The following SLF1 variants were observed in gnomAD, a reference collection of about 807,000 sequenced individuals.
The protein encoded by SLF1 is SMC5-SMC6 complex localization factor protein 1.
SLF1 carries 105 observed loss-of-function variants against 123.0 expected under a neutral mutation model. The ratio of observed to expected loss-of-function variants is 0.85; its 90% CI spans 0.73 to 1.00. The LOEUF (loss-of-function observed/expected upper bound fraction) is 1.00, where lower values mean the gene tolerates loss of function less well. SLF1 is among the 50% of genes least tolerant of loss of function. The pLI, the probability that SLF1 is intolerant of heterozygous loss-of-function variation, is 0.00. For missense variants in SLF1, 1,239 were observed against 1,223.0 expected (o/e 1.01, Z -0.20); for synonymous variants, 434 against 406.6 (o/e 1.07, Z -0.81).
At chr5:94,678,070 G>A (rs2346764) in intron 14 of SLF1, among the ~76,000 whole-genome samples, 22,286 of 151,932 alleles carry the variant, frequency 0.15, 1,836 homozygotes, top group East Asian at 0.32. Context: ...GCAGGTGCCC[G>A]CCACCACGCC....
intron 12 of SLF1, among the ~76,000 whole-genome samples, chr5:94,666,777 C>T (rs542721608): frequency 1.3e-5 from 2 of 152,132 alleles, no homozygotes; most frequent in African/African-American, 4.8e-5. Context: ...GCTAGAGTTA[C>T]AGGCATGTGC....
Position 94,662,924 on chromosome 5 carries a change from T to G in SLF1, c.1209+573T>G, listed in dbSNP as rs368968293. The stretch of plus-strand genomic sequence containing the variant: ...GTTACTTTTATTATTAAGAATAGTT[T>G]GACCAAGGGGAATGTATTTTGTGAA... On this transcript the variant is annotated intron_variant, in intron 10 of 20. Coordinates refer to ENST00000265140, the MANE Select transcript of SLF1 (RefSeq NM_032290.4). Among the ~76,000 whole-genome samples the G allele has an allele frequency of 3.3e-5, 5 of 152,318 alleles. No individual in the cohort carries two copies. The East Asian group carries it at 7.7e-4, about 24-fold the overall frequency.
rs191800157 is a variant in SLF1 at position 94,690,739 on chromosome 5, T to G, written c.2420-825T>G. 2.2e-3 allele frequency among the ~76,000 whole-genome samples: 337 copies of G among 151,698 alleles called. 2 individuals are homozygous for G. Among genetic ancestry groups the G allele is most frequent in the African/African-American group, 7.6e-3 (314 of 41,450 alleles). On this transcript the variant is annotated intron_variant, in intron 18 of 20. Transcript: ENST00000265140. ...CCTAAGCAGTCATTTATAGTAATTTTTTTAAAATTCCCCTTAAATAATCAC... is the reference window on the plus strand; with the variant it reads ...CCTAAGCAGTCATTTATAGTAATTTGTTTAAAATTCCCCTTAAATAATCAC...
At chr5:94,666,167 C>A in intron 12 of SLF1, 143 bp downstream of exon 12, 3 of 774,494 alleles carry the variant, frequency 3.9e-6, no homozygotes, top group South Asian at 3.0e-5. Context: ...GTATTTATTG[C>A]AAAACTTATG....
At chr5:94,675,358 A>C (rs1750928316) in intron 14 of SLF1, among the ~76,000 whole-genome samples, 1 of 152,214 alleles carries the variant, frequency 6.6e-6, no homozygotes, top group African/African-American at 2.4e-5. Flanking sequence ...TTTCTTTGTT[A>C]ATTCTTAGGG....
At position 94,665,682 on chromosome 5, in the gene SLF1, G is replaced by A. The variant is rs538162932; in HGVS notation, c.1369-179G>A. 2.0e-5 allele frequency among the ~76,000 whole-genome samples: 3 copies of A among 152,304 alleles called. No homozygotes were observed. The South Asian group carries it at 6.2e-4, about 32-fold the overall frequency. On this transcript the variant is annotated intron_variant, in intron 11 of 20. Coordinates refer to ENST00000265140, the MANE Select transcript of SLF1 (RefSeq NM_032290.4). ...GCAGAAAAATCGCTTGAACCCAGGA[G>A]GCGGAGGTTGAGGTAAGCCAAGATC...
intron 7 of SLF1, 104 bp downstream of exon 7, chr5:94,651,949 C>T: frequency 2.0e-6 from 1 of 496,272 alleles, no homozygotes. Flanking sequence ...GTTATGTATC[C>T]AATAGCTAGA....
chr5:94,684,532 A>C (rs990704188), intron 15 of SLF1, among the ~76,000 whole-genome samples: 7 of 151,896 alleles, frequency 4.6e-5, no homozygotes, highest in African/African-American at 1.7e-4. Context: ...CCCTGTCTCT[A>C]CTAAAAATAC....
intron 14 of SLF1, among the ~76,000 whole-genome samples, chr5:94,676,800 T>G (rs1751119792): frequency 1.3e-5 from 2 of 152,366 alleles, no homozygotes; most frequent in South Asian, 4.1e-4. Context: ...GACCATTTGC[T>G]TATGTTTGCA....
chr5:94,691,679 C>G lies in SLF1; in HGVS notation c.2512+23C>G, dbSNP rs765827063. ...AAGGTAAGTTTTAAATCTTTGTGGT[C>G]TAGTCCAATGTCTTAATATTTGTGA... On this transcript the variant is annotated intron_variant, in intron 19 of 20. Transcript: ENST00000265140. The G allele has an allele frequency of 3.9e-6, 6 of 1,536,304 alleles. No individual in the cohort carries two copies. The African/African-American group carries it at 8.3e-5, about 21-fold the overall frequency.
chr5:94,694,674 G>A (rs1464988469), intron 20 of SLF1, among the ~76,000 whole-genome samples, 157 bp from the exon 21 acceptor site: 1 of 151,386 alleles, frequency 6.6e-6, no homozygotes, highest in East Asian at 1.9e-4. Context: ...ACCTTTATTC[G>A]TCTATATATA....
intron 1 of SLF1, among the ~76,000 whole-genome samples, chr5:94,621,878 A>ATT (rs1283372773): frequency 8.9e-6 from 1 of 112,274 alleles, no homozygotes; most frequent in Non-Finnish European, 1.8e-5. Context: ...AATAATTAAT[A>ATT]TTTATACACA....
Position 94,688,635 on chromosome 5 carries a change from A to G in SLF1, c.2251A>G (p.Lys751Glu), listed in dbSNP as rs748608733. 3.1e-6 allele frequency: 5 copies of G among 1,614,090 alleles called. No homozygotes were observed. In the South Asian group the frequency reaches 4.4e-5, roughly 14 times the overall value. ...QRTLLMLNGT[K>E]QKQVEGLPEL... Reference sequence around the variant, plus strand: ...AACCTTACTAATGCTGAATGGTACTAAACAAAAACAAGTCGAAGGGCTGCC... The same window carrying G: ...AACCTTACTAATGCTGAATGGTACTGAACAAAAACAAGTCGAAGGGCTGCC... Residue 751 changes from lysine (K) to glutamate (E), a missense_variant, in exon 17 of 21, where the codon AAA becomes GAA. Physicochemically the swap from Lys to Glu is moderately conservative, Grantham distance 56 (BLOSUM62 1). Coordinates refer to ENST00000265140, the MANE Select transcript of SLF1 (RefSeq NM_032290.4).
intron 1 of SLF1, among the ~76,000 whole-genome samples, chr5:94,621,756 C>G (rs1220573727): frequency 6.6e-6 from 1 of 151,850 alleles, no homozygotes; most frequent in African/African-American, 2.4e-5. Context: ...TGTTCTGTTT[C>G]TTCCTTCTAG....
Position 94,643,352 on chromosome 5 carries a change from G to T in SLF1, c.511G>T (p.Ala171Ser), listed in dbSNP as rs191249349. The T allele has an allele frequency of 6.5e-7, 1 of 1,545,002 alleles. No individual in the cohort carries two copies. The highest frequency in any genetic ancestry group is 2.5e-5 in the East Asian group (1 of 40,628). The part of the protein sequence containing the change: ...SGITHVIASN[A>S]RIKAEKEKDN... ...AATAACTCATGTGATTGCCAGTAAT[G>T]CAAGAATTAAAGCTGAGAAAGAAAA... Residue 171 changes from alanine (A) to serine (S), a missense_variant, in exon 5 of 21, where the codon GCA becomes TCA. By Grantham distance (99) the Ala-to-Ser change is moderately conservative (BLOSUM62 1). Transcript: ENST00000265140.
At chr5:94,675,997 C>T (rs1242591299) in intron 14 of SLF1, among the ~76,000 whole-genome samples, 1 of 148,544 alleles carries the variant, frequency 6.7e-6, no homozygotes, top group Non-Finnish European at 1.5e-5. Context: ...GGGCTAACAT[C>T]CTTCTTTCCT....
At chr5:94,667,977 A>T (rs1750000141) in intron 12 of SLF1, among the ~76,000 whole-genome samples, 1 of 151,562 alleles carries the variant, frequency 6.6e-6, no homozygotes, top group Non-Finnish European at 1.5e-5. Flanking sequence ...CCACCACTTG[A>T]GCTCAAGTTT....
At chr5:94,644,297 T>A (rs536548755) in intron 5 of SLF1, among the ~76,000 whole-genome samples, 37 of 152,146 alleles carry the variant, frequency 2.4e-4, no homozygotes, top group Non-Finnish European at 4.0e-4. Context: ...TCTTTCTTTT[T>A]CCTTTAGTAT....
chr5:94,629,270 T>C (rs149821425), intron 3 of SLF1, 103 bp downstream of exon 3: 3 of 768,846 alleles, frequency 3.9e-6, no homozygotes, highest in Non-Finnish European at 5.7e-6. Flanking sequence ...CAAACCTAAA[T>C]GTGTTTTTCT....
Sources: gnomAD v4.1 joint callset for allele counts (sites outside exome capture counted in the v4.1 genomes callset) on GRCh38, gnomAD v4.1.1 for gene constraint, MANE v1.5 for transcripts, NCBI Gene and HGNC (gene_info 2026-07-23, HGNC 2026-07-21) for gene names.